The following FIRRM variants were observed in gnomAD, a reference collection of about 807,000 sequenced individuals.
FIRRM encodes FIGNL1-interacting regulator of recombination and mitosis.
At chr1:169,796,214 C>T in the FIRRM span, among the ~76,000 whole-genome samples, 1 of 152,168 alleles carries the variant, frequency 6.6e-6, no homozygotes, top group African/African-American at 2.4e-5. Flanking sequence ...GAACTGCCGT[C>T]TTCAAGGAGT....
chr1:169,794,821 A>G, the FIRRM span: 1 of 422,642 alleles, frequency 2.4e-6, no homozygotes, highest in Non-Finnish European at 4.4e-6. Flanking sequence ...AGACCTGGGG[A>G]TGCTTGCTTC....
the FIRRM span, chr1:169,783,855 G>A: frequency 2.0e-5 from 3 of 152,246 alleles, no homozygotes; most frequent in South Asian, 4.2e-4. Flanking sequence ...GCATGACCAC[G>A]GTTCACTGCA....
chr1:169,818,086 A>G, the FIRRM span, among the ~76,000 whole-genome samples: 1 of 152,206 alleles, frequency 6.6e-6, no homozygotes, highest in Non-Finnish European at 1.5e-5. Flanking sequence ...ATGCTTTCTT[A>G]TAATCTTTTA....
the FIRRM span, chr1:169,803,456 A>G: frequency 2.2e-6 from 2 of 898,518 alleles, no homozygotes; most frequent in South Asian, 8.1e-5. Context: ...TAAGTAAATA[A>G]TTGTTGCAAA....
chr1:169,842,576 T>C, the FIRRM span: 1 of 1,597,540 alleles, frequency 6.3e-7, no homozygotes, highest in African/African-American at 1.4e-5. Flanking sequence ...TATCAAAAAA[T>C]AGAAAATATC....
At chr1:169,843,551 G>T in the FIRRM span, 1 of 626,300 alleles carries the variant, frequency 1.6e-6, no homozygotes, top group African/African-American at 1.8e-5. Context: ...AGGCATAAAT[G>T]AGGTAATAAA....
chr1:169,808,986 G>A, the FIRRM span, among the ~76,000 whole-genome samples: 497 of 152,258 alleles, frequency 3.3e-3, 6 homozygotes, highest in African/African-American at 0.011. Context: ...ACATCTGCAA[G>A]CTGATACAGG....
the FIRRM span, among the ~76,000 whole-genome samples, chr1:169,844,020 A>G: frequency 6.6e-6 from 1 of 152,134 alleles, no homozygotes; most frequent in Non-Finnish European, 1.5e-5. Flanking sequence ...TTTTGTTATT[A>G]CTGTTAACTA....
At chr1:169,847,764 ATCT>A in the FIRRM span, 1 of 1,613,306 alleles carries the variant, frequency 6.2e-7, no homozygotes, top group East Asian at 2.2e-5. Flanking sequence ...TGGATTTTGT[ATCT>A]TCTTTAGGAA....
chr1:169,818,071 T>G, the FIRRM span, among the ~76,000 whole-genome samples: 1 of 152,232 alleles, frequency 6.6e-6, no homozygotes, highest in Non-Finnish European at 1.5e-5. Flanking sequence ...AAAATCCACA[T>G]TCCCATGCTT....
At chr1:169,847,920 A>T in the FIRRM span, 1 of 619,734 alleles carries the variant, frequency 1.6e-6, no homozygotes, top group South Asian at 2.1e-5. Context: ...AGTTGGAAAA[A>T]AAAAACTATG....
the FIRRM span, chr1:169,853,447 C>CTTGCTCTTCATA: frequency 2.2e-6 from 1 of 448,096 alleles, no homozygotes; most frequent in African/African-American, 2.0e-5. Context: ...TCCTCAGCTA[C>CTTGCTCTTCATA]TTGCTCTTCA....
the FIRRM span, chr1:169,852,432 A>G: frequency 3.6e-6 from 1 of 276,864 alleles, no homozygotes; most frequent in South Asian, 5.1e-5. Flanking sequence ...GAAGAACAAC[A>G]TTCTGATAAG....
chr1:169,804,894 G>T, the FIRRM span, among the ~76,000 whole-genome samples: 3 of 152,176 alleles, frequency 2.0e-5, no homozygotes, highest in Admixed American at 6.5e-5. Flanking sequence ...TGTTGGCCAG[G>T]CTGGTCTTGA....
At chr1:169,789,850 G>T in the FIRRM span, among the ~76,000 whole-genome samples, 1 of 152,148 alleles carries the variant, frequency 6.6e-6, no homozygotes, top group Non-Finnish European at 1.5e-5. Context: ...GAAAATAGGT[G>T]AATAAATAGT....
the FIRRM span, chr1:169,827,858 A>G: frequency 6.2e-7 from 1 of 1,612,826 alleles, no homozygotes; most frequent in African/African-American, 1.3e-5. Flanking sequence ...ACATGTTTTT[A>G]TCCAGTCATA....
the FIRRM span, among the ~76,000 whole-genome samples, chr1:169,833,647 T>C: frequency 2.6e-5 from 4 of 152,162 alleles, no homozygotes; most frequent in Middle Eastern, 3.2e-3. Flanking sequence ...AGTCTTTTCC[T>C]GCCCTAGAGT....
At chr1:169,834,861 A>G in the FIRRM span, among the ~76,000 whole-genome samples, 1 of 152,220 alleles carries the variant, frequency 6.6e-6, no homozygotes, top group Non-Finnish European at 1.5e-5. Context: ...TTATAAAGAT[A>G]CTCATATTAA....
At chr1:169,795,740 A>G in the FIRRM span, 1 of 985,410 alleles carries the variant, frequency 1.0e-6, no homozygotes, top group Non-Finnish European at 1.2e-6. Context: ...ATGTTCAGTA[A>G]ATAAAAATGA....
Sources: gnomAD v4.1 joint callset for allele counts (sites outside exome capture counted in the v4.1 genomes callset) on GRCh38, gnomAD v4.1.1 for gene constraint, MANE v1.5 for transcripts, NCBI Gene and HGNC (gene_info 2026-07-23, HGNC 2026-07-21) for gene names.